The following OXR1 variants were observed in gnomAD, a reference collection of about 807,000 sequenced individuals.
OXR1 encodes oxidation resistance protein 1.
OXR1 carries 41 observed loss-of-function variants against 104.6 expected under a neutral mutation model. That is an observed-to-expected ratio of 0.39 (90% confidence interval 0.31 to 0.51). OXR1 has a LOEUF of 0.51. Among genes scored for constraint, OXR1 ranks in the 20% least tolerant of loss-of-function variants. OXR1 has a pLI of 0.77. For synonymous variants in OXR1, 348 were observed against 348.4 expected (o/e 1.00, Z 0.01); for missense variants, 955 against 1,031.9 (o/e 0.93, Z 1.02).
chr8:106,622,453 G>GCACA (rs34839524), intron 3 of OXR1, among the ~76,000 whole-genome samples: 3,854 of 136,300 alleles, frequency 0.028, 71 homozygotes, highest in African/African-American at 0.056. Flanking sequence ...ATCACCCCCA[G>GCACA]CACACACACA....
At chr8:106,744,847 G>A (rs931415804) in intron 15 of OXR1, among the ~76,000 whole-genome samples, 26 of 152,128 alleles carry the variant, frequency 1.7e-4, no homozygotes, top group Non-Finnish European at 3.4e-4. Context: ...GAAGAAAATA[G>A]GAACGATTTG....
At chr8:106,327,932 G>A (rs1814540998) in intron 1 of OXR1, among the ~76,000 whole-genome samples, 2 of 152,212 alleles carry the variant, frequency 1.3e-5, no homozygotes, top group African/African-American at 4.8e-5. Context: ...TATTGCAGCT[G>A]CAAGTAGCAG....
intron 1 of OXR1, among the ~76,000 whole-genome samples, chr8:106,355,111 C>G (rs1247759249): frequency 6.6e-6 from 1 of 152,022 alleles, no homozygotes; most frequent in African/African-American, 2.4e-5. Flanking sequence ...ATGCTTATAG[C>G]TTATATCATA....
At chr8:106,512,542 G>A (rs1185353705) in intron 2 of OXR1, among the ~76,000 whole-genome samples, 1 of 152,092 alleles carries the variant, frequency 6.6e-6, no homozygotes. Flanking sequence ...CACTTGATGG[G>A]AGAGGTGATT....
At chr8:106,331,078 C>G (rs1174340585) in intron 1 of OXR1, among the ~76,000 whole-genome samples, 1 of 151,992 alleles carries the variant, frequency 6.6e-6, no homozygotes, top group Non-Finnish European at 1.5e-5. Flanking sequence ...GTGAGTTGCC[C>G]AGAATTGCTT....
intron 3 of OXR1, among the ~76,000 whole-genome samples, chr8:106,675,296 C>T (rs1409488369): frequency 1.3e-5 from 2 of 152,112 alleles, no homozygotes; most frequent in East Asian, 1.9e-4. Flanking sequence ...ATTTGACTAA[C>T]ACAGTCCACA....
chr8:106,448,035 A>G, intron 2 of OXR1: 2 of 1,535,852 alleles, frequency 1.3e-6, no homozygotes, highest in African/African-American at 2.7e-5. Flanking sequence ...GACGAAGGAC[A>G]AAAACAGCCC....
rs1236946572 is a variant in OXR1 at position 106,668,640 on chromosome 8, A to T, written c.221-10570A>T. The stretch of plus-strand genomic sequence containing the variant: ...GCAAAGCAAGTTGGCCATGTCTGAC[A>T]TCAATAGGATGGTGAGGTATATTTT... On this transcript the variant is annotated intron_variant, in intron 3 of 16. Transcript: ENST00000517566. 3.3e-5 allele frequency among the ~76,000 whole-genome samples: 5 copies of T among 152,210 alleles called. No homozygotes were observed. The East Asian group carries it at 9.6e-4, about 29-fold the overall frequency.
chr8:106,731,915 A>C (rs1833926697), intron 11 of OXR1, among the ~76,000 whole-genome samples: 1 of 152,094 alleles, frequency 6.6e-6, no homozygotes, highest in Non-Finnish European at 1.5e-5. Flanking sequence ...TTTTAGAATC[A>C]ATTTGCCTGT....
At chr8:106,486,803 A>G (rs1414566930) in intron 2 of OXR1, among the ~76,000 whole-genome samples, 4 of 152,034 alleles carry the variant, frequency 2.6e-5, no homozygotes, top group African/African-American at 9.7e-5. Flanking sequence ...CCAGTATAGT[A>G]CAGCAGTTAA....
At chr8:106,748,415 A>G (rs1835574415) in intron 16 of OXR1, among the ~76,000 whole-genome samples, 1 of 152,048 alleles carries the variant, frequency 6.6e-6, no homozygotes, top group Non-Finnish European at 1.5e-5. Context: ...GTTCATCAGA[A>G]CGTCATCACT....
At chr8:106,592,203 A>T (rs894333834) in intron 3 of OXR1, among the ~76,000 whole-genome samples, 3 of 152,232 alleles carry the variant, frequency 2.0e-5, no homozygotes, top group Non-Finnish European at 4.4e-5. Flanking sequence ...AGAAGTACTC[A>T]AAATGGAGAA....
At chr8:106,393,857 T>C (rs1256664289) in intron 2 of OXR1, among the ~76,000 whole-genome samples, 1 of 152,078 alleles carries the variant, frequency 6.6e-6, no homozygotes, top group Non-Finnish European at 1.5e-5. Flanking sequence ...TACATACTTA[T>C]CATTAGGATT....
At chr8:106,710,308 G>GTATA (rs34244978) in intron 9 of OXR1, among the ~76,000 whole-genome samples, 3 of 151,618 alleles carry the variant, frequency 2.0e-5, no homozygotes, top group South Asian at 4.2e-4. Flanking sequence ...TTATGTGTGT[G>GTATA]TATATATATA....
chr8:106,635,863 T>G (rs549390294), intron 3 of OXR1, among the ~76,000 whole-genome samples: 13 of 152,222 alleles, frequency 8.5e-5, no homozygotes, highest in African/African-American at 3.1e-4. Context: ...GACAAATTCA[T>G]TGGTCTGGGG....
At chr8:106,402,155 G>C (rs369104832) in intron 2 of OXR1, among the ~76,000 whole-genome samples, 2 of 152,156 alleles carry the variant, frequency 1.3e-5, no homozygotes, top group East Asian at 3.9e-4. Flanking sequence ...ACGTAGTTTA[G>C]CTTAAGATAA....
intron 3 of OXR1, among the ~76,000 whole-genome samples, chr8:106,532,149 C>T (rs1358448955): frequency 6.6e-6 from 1 of 152,182 alleles, no homozygotes; most frequent in African/African-American, 2.4e-5. Context: ...TGGGCTTACT[C>T]TTGGCGTCTT....
At chr8:106,673,990 G>A (rs1414364955) in intron 3 of OXR1, among the ~76,000 whole-genome samples, 2 of 152,220 alleles carry the variant, frequency 1.3e-5, no homozygotes, top group Non-Finnish European at 2.9e-5. Flanking sequence ...ACCTTTGCTA[G>A]GGCAGTGCAG....
intron 3 of OXR1, among the ~76,000 whole-genome samples, chr8:106,644,799 G>C (rs1823939272): frequency 6.6e-6 from 1 of 152,096 alleles, no homozygotes; most frequent in Admixed American, 6.5e-5. Flanking sequence ...AAAACCATTT[G>C]GAAGAACTAA....
Sources: allele counts gnomAD v4.1 joint callset (sites outside exome capture counted in the v4.1 genomes callset), GRCh38; gene constraint gnomAD v4.1.1; transcripts MANE v1.5; gene names NCBI Gene and HGNC (gene_info 2026-07-23, HGNC 2026-07-21).